The following GABRG2 variants were observed in gnomAD, a reference collection of about 807,000 sequenced individuals.
GABRG2 encodes gamma-aminobutyric acid type A receptor subunit gamma2.
Under a neutral mutation model 56.4 loss-of-function variants are expected in GABRG2, and 16 were observed. That is an observed-to-expected ratio of 0.28 (90% CI 0.19 to 0.43). The LOEUF is 0.43. Among genes scored for constraint, GABRG2 ranks in the 20% least tolerant of loss-of-function variants. The pLI is 1.00. For synonymous variants in GABRG2, 208 were observed against 205.5 expected, an observed-to-expected ratio of 1.01 and a Z score of -0.10; for missense variants, 327 against 582.7, an observed-to-expected ratio of 0.56 and a Z score of 4.52.
intron 7 of GABRG2, 89 bp downstream of exon 7, chr5:162,142,405 A>T (rs2113599667): frequency 7.4e-7 from 1 of 1,350,376 alleles, no homozygotes; most frequent in African/African-American, 1.4e-5. Flanking sequence ...GATCTGCTTT[A>T]AATTTAGCCT....
At position 162,153,561 on chromosome 5, in the gene GABRG2, C is replaced by T. The variant is rs539963242; in HGVS notation, c.*193C>T. 43 of 677,156 alleles carry T rather than the reference C, an allele frequency of 6.4e-5. 1 individual carries two copies. The South Asian group carries it at 7.0e-4, about 11-fold the overall frequency. The allele number at this position is 677,156 out of a possible 1,614,324, so 41.9% of individuals were successfully genotyped here. A position where few individuals can be genotyped will look rare whatever the true frequency, so the allele number is the denominator to read the frequency against. On this transcript the variant is annotated 3_prime_UTR_variant, in exon 10 of 10. Coordinates refer to ENST00000639213, the MANE Select transcript of GABRG2 (RefSeq NM_198904.4). The stretch of plus-strand genomic sequence containing the variant: ...CCTTTGGTTAGTGTACTTTGAACTT[C>T]GATGTTTGCTGTGTTTCAAACCTGC...
intron 1 of GABRG2, among the ~76,000 whole-genome samples, chr5:162,077,753 G>A (rs549443594): frequency 2.6e-4 from 39 of 152,258 alleles, no homozygotes; most frequent in Middle Eastern, 6.8e-3. Flanking sequence ...AGGATCTCTC[G>A]TAAGATTGCA....
intron 7 of GABRG2, 125 bp from the exon 8 acceptor site, chr5:162,148,983 A>G (rs1030927801): frequency 5.0e-5 from 40 of 806,748 alleles, no homozygotes; most frequent in Non-Finnish European, 4.3e-5. Context: ...AAATCCACTT[A>G]TACCTCCTTT....
chr5:162,115,397 G>C (rs975995195), intron 6 of GABRG2, among the ~76,000 whole-genome samples: 6 of 152,064 alleles, frequency 3.9e-5, no homozygotes, highest in African/African-American at 1.4e-4. Flanking sequence ...CTTTTATCAT[G>C]TTTTCTTATT....
At chr5:162,069,246 G>A (rs1012320214) in intron 1 of GABRG2, among the ~76,000 whole-genome samples, 1 of 152,140 alleles carries the variant, frequency 6.6e-6, no homozygotes, top group African/African-American at 2.4e-5. Flanking sequence ...CCATGTTAGA[G>A]GTCCACTATT....
intron 8 of GABRG2, 26 bp downstream of exon 8, chr5:162,149,339 A>G (rs746297756): frequency 7.5e-6 from 12 of 1,609,200 alleles, no homozygotes; most frequent in Non-Finnish European, 9.4e-6. Context: ...CATTGGCACC[A>G]TTGAAATTTT....
chr5:162,103,600 G>T, intron 5 of GABRG2: 1 of 409,466 alleles, frequency 2.4e-6, no homozygotes, highest in African/African-American at 2.0e-5. Context: ...TCCAGATGAT[G>T]TAAAGTATGC....
chr5:162,101,139 G>T, intron 4 of GABRG2, 96 bp from the exon 5 acceptor site: 1 of 853,586 alleles, frequency 1.2e-6, no homozygotes. Flanking sequence ...CAGAATGTGA[G>T]ATATTCTCTA....
chr5:162,119,723 G>T (rs1226168646), intron 6 of GABRG2, among the ~76,000 whole-genome samples: 1 of 152,018 alleles, frequency 6.6e-6, no homozygotes, highest in Non-Finnish European at 1.5e-5. Flanking sequence ...TACTACAACG[G>T]AGCACATCAA....
chr5:162,075,090 C>T (rs748734744), intron 1 of GABRG2, among the ~76,000 whole-genome samples: 91 of 152,002 alleles, frequency 6.0e-4, no homozygotes, highest in Non-Finnish European at 1.1e-3. Flanking sequence ...CACCTAGCTG[C>T]GAGGAGGGGG....
At chr5:162,074,985 G>T (rs755994057) in intron 1 of GABRG2, among the ~76,000 whole-genome samples, 1 of 152,062 alleles carries the variant, frequency 6.6e-6, no homozygotes, top group Non-Finnish European at 1.5e-5. Context: ...CTCCCACTAT[G>T]GTAGGAGATA....
intron 1 of GABRG2, among the ~76,000 whole-genome samples, chr5:162,078,664 C>A (rs907979283): frequency 4.6e-5 from 7 of 151,438 alleles, no homozygotes; most frequent in Admixed American, 4.6e-4. Flanking sequence ...CTTGGCCTCC[C>A]AAAATGCTGG....
chr5:162,151,410 A>G, intron 8 of GABRG2: 1 of 260,406 alleles, frequency 3.8e-6, no homozygotes, highest in East Asian at 8.7e-5. Context: ...TAGAAAATAG[A>G]ATCATAGTAT....
At chr5:162,135,362 T>C (rs185191595) in intron 6 of GABRG2, among the ~76,000 whole-genome samples, 1 of 152,216 alleles carries the variant, frequency 6.6e-6, no homozygotes, top group Non-Finnish European at 1.5e-5. Context: ...CCAATGTTGA[T>C]CTCCACTTTG....
At chr5:162,108,726 T>C (rs1446568269) in intron 6 of GABRG2, among the ~76,000 whole-genome samples, 1 of 152,092 alleles carries the variant, frequency 6.6e-6, no homozygotes, top group Non-Finnish European at 1.5e-5. Flanking sequence ...TTAAGAAACA[T>C]ACTACATTAA....
At chr5:162,140,864 T>C (rs1490718312) in intron 6 of GABRG2, among the ~76,000 whole-genome samples, 2 of 152,178 alleles carry the variant, frequency 1.3e-5, no homozygotes, top group African/African-American at 4.8e-5. Flanking sequence ...TCAAAATGAA[T>C]GACGTGAAAT....
intron 7 of GABRG2, among the ~76,000 whole-genome samples, chr5:162,144,736 G>A (rs1042768813): frequency 1.3e-5 from 2 of 152,164 alleles, no homozygotes. Context: ...GTTTGCTCTG[G>A]GTAGGAGGCC....
chr5:162,112,892 A>G (rs187298104), intron 6 of GABRG2, among the ~76,000 whole-genome samples: 15 of 152,278 alleles, frequency 9.9e-5, no homozygotes, highest in Non-Finnish European at 1.8e-4. Context: ...AGGATTGACC[A>G]ATATGTTAAA....
At chr5:162,081,055 T>C (rs896149514) in intron 1 of GABRG2, among the ~76,000 whole-genome samples, 10 of 152,158 alleles carry the variant, frequency 6.6e-5, no homozygotes, top group Non-Finnish European at 1.5e-4. Flanking sequence ...ATAGAGACCA[T>C]TGACAAAAGT....
Sources: allele counts gnomAD v4.1 joint callset (sites outside exome capture counted in the v4.1 genomes callset), GRCh38; gene constraint gnomAD v4.1.1; transcripts MANE v1.5; gene names NCBI Gene and HGNC (gene_info 2026-07-23, HGNC 2026-07-21).